The following CNTNAP4 variants were observed in gnomAD, a reference collection of about 807,000 sequenced individuals.
The protein encoded by CNTNAP4 is contactin-associated protein-like 4.
CNTNAP4 carries 98 observed loss-of-function variants against 148.4 expected under a neutral mutation model. That is an observed-to-expected ratio of 0.66 (90% CI 0.56 to 0.78). The LOEUF (loss-of-function observed/expected upper bound fraction) is 0.78. CNTNAP4 is among the 30% of genes least tolerant of loss of function. The probability of loss-of-function intolerance (pLI) is 0.00; values close to 1 mark genes in which losing one functional copy is unlikely to be tolerated. For missense variants in CNTNAP4, 1,935 were observed against 1,565.6 expected, an observed-to-expected ratio of 1.24 and a Z score of -3.98; for synonymous variants, 730 against 565.1, an observed-to-expected ratio of 1.29 and a Z score of -4.14.
intron 3 of CNTNAP4, among the ~76,000 whole-genome samples, chr16:76,398,258 CTT>C (rs80186984): frequency 0.077 from 11,662 of 151,634 alleles, 442 homozygotes; most frequent in Middle Eastern, 0.11. Context: ...ATGGTTCTGT[CTT>C]TCCCAGTCCA....
In CNTNAP4 at chr16:76,448,916, C is replaced by G. The variant is rs148104897; in HGVS notation, c.892C>G (p.Arg298Gly). ...VDEHRHHFHARGEFNLMNLDY... is the reference protein window; with the variant it reads ...VDEHRHHFHAGGEFNLMNLDY... ...CGAACACAGGCATCATTTCCATGCA[C>G]GGGGAGAATTCAATCTCATGAATCT... The change falls in exon 6 of 24, where the codon CGG (arginine) becomes GGG (glycine). Residue 298 changes from arginine (R) to glycine (G), a missense_variant. Physicochemically the swap from Arg to Gly is moderately radical, Grantham distance 125. Transcript: ENST00000611870. The G allele has an allele frequency of 6.2e-7, 1 of 1,613,602 alleles. No individual in the cohort carries two copies.
At position 76,331,604 on chromosome 16, in the gene CNTNAP4, C is replaced by T. The variant is rs531314763; in HGVS notation, c.196+15081C>T. The stretch of plus-strand genomic sequence containing the variant: ...AATATTCCTTAGCTTTAATGGTATA[C>T]AAAAACCTCTACTTTTGTATCGCTT... On this transcript the variant is annotated intron_variant, in intron 2 of 23. Coordinates refer to ENST00000611870, the MANE Select transcript of CNTNAP4 (RefSeq NM_033401.5). Among the ~76,000 whole-genome samples the T allele has an allele frequency of 7.9e-5, 12 of 151,416 alleles. No individual in the cohort carries two copies. In the East Asian group the frequency reaches 2.1e-3, roughly 27 times the overall value.
intron 2 of CNTNAP4, among the ~76,000 whole-genome samples, chr16:76,322,801 G>C (rs1962559422): frequency 6.6e-6 from 1 of 151,924 alleles, no homozygotes; most frequent in African/African-American, 2.4e-5. Flanking sequence ...AACTGTGCTG[G>C]AAAGAGTCAA....
intron 4 of CNTNAP4, among the ~76,000 whole-genome samples, chr16:76,441,439 C>T (rs973913478): frequency 4.6e-5 from 7 of 152,092 alleles, no homozygotes; most frequent in African/African-American, 7.2e-5. Flanking sequence ...GCTATACCTA[C>T]GGGCACAGGG....
At chr16:76,464,690 T>C (rs2081115443) in intron 9 of CNTNAP4, among the ~76,000 whole-genome samples, 2 of 152,206 alleles carry the variant, frequency 1.3e-5, no homozygotes, top group South Asian at 4.1e-4. Flanking sequence ...ACCTCCACTC[T>C]TTACCAGTCT....
intron 3 of CNTNAP4, among the ~76,000 whole-genome samples, chr16:76,357,746 C>G (rs373712701): frequency 6.6e-6 from 1 of 152,178 alleles, no homozygotes; most frequent in African/African-American, 2.4e-5. Context: ...CTAAAAGTGA[C>G]TCTCTCTTGC....
chr16:76,530,611 A>G (rs1358427919), intron 17 of CNTNAP4, among the ~76,000 whole-genome samples: 12 of 152,128 alleles, frequency 7.9e-5, no homozygotes, highest in Non-Finnish European at 1.6e-4. Context: ...TGCTGCTACT[A>G]CGACTGGGGC....
At chr16:76,443,999 C>T (rs1249219955) in intron 4 of CNTNAP4, among the ~76,000 whole-genome samples, 1 of 152,076 alleles carries the variant, frequency 6.6e-6, no homozygotes, top group East Asian at 1.9e-4. Flanking sequence ...AACATAACTT[C>T]CATTCAAATA....
intron 1 of CNTNAP4, among the ~76,000 whole-genome samples, chr16:76,313,578 G>A (rs1567666284): frequency 6.6e-6 from 1 of 152,088 alleles, no homozygotes; most frequent in Non-Finnish European, 1.5e-5. Flanking sequence ...GGATTGGCTG[G>A]CTTTAGTACT....
At chr16:76,523,651 C>A (rs986502590) in intron 17 of CNTNAP4, among the ~76,000 whole-genome samples, 2 of 152,120 alleles carry the variant, frequency 1.3e-5, no homozygotes, top group African/African-American at 4.8e-5. Flanking sequence ...AATTGTACTT[C>A]AAGGCCAGGC....
intron 3 of CNTNAP4, among the ~76,000 whole-genome samples, chr16:76,377,846 G>A (rs9940986): frequency 0.16 from 24,683 of 152,198 alleles, 2,611 homozygotes; most frequent in East Asian, 0.45. Context: ...GGAAAAGTTA[G>A]CACACTGCAC....
intron 2 of CNTNAP4, among the ~76,000 whole-genome samples, chr16:76,351,416 C>T (rs558226971): frequency 1.3e-5 from 2 of 152,164 alleles, no homozygotes; most frequent in East Asian, 1.9e-4. Context: ...ATCGCTCAGT[C>T]TATCTGTCTA....
chr16:76,473,164 G>A (rs1053072936), intron 10 of CNTNAP4, among the ~76,000 whole-genome samples: 9 of 152,028 alleles, frequency 5.9e-5, no homozygotes, highest in Non-Finnish European at 1.3e-4. Context: ...ATGAATTCCT[G>A]TGAATCTATA....
chr16:76,441,406 T>C (rs1233590432), intron 4 of CNTNAP4, among the ~76,000 whole-genome samples: 1 of 152,150 alleles, frequency 6.6e-6, no homozygotes, highest in East Asian at 1.9e-4. Flanking sequence ...AGATTGTATT[T>C]CTGAATTGTG....
chr16:76,443,930 G>A (rs17617419), intron 4 of CNTNAP4, among the ~76,000 whole-genome samples: 3,295 of 152,242 alleles, frequency 0.022, 54 homozygotes, highest in Non-Finnish European at 0.035. Flanking sequence ...GGTCATTGAT[G>A]TGAAATCCAA....
At chr16:76,557,890 G>A (rs763040289) in intron 23 of CNTNAP4, 3 of 152,160 alleles carry the variant, frequency 2.0e-5, no homozygotes, top group Non-Finnish European at 4.4e-5. Flanking sequence ...TAATGCCAGC[G>A]TTGGTAACCA....
intron 1 of CNTNAP4, chr16:76,309,809 G>A (rs1339560552): frequency 2.1e-5 from 15 of 699,380 alleles, no homozygotes; most frequent in Non-Finnish European, 2.6e-5. Flanking sequence ...TAAGTGTCAT[G>A]AGATCTGATG....
intron 3 of CNTNAP4, among the ~76,000 whole-genome samples, chr16:76,380,522 T>C (rs998295969): frequency 6.6e-6 from 1 of 152,338 alleles, no homozygotes; most frequent in South Asian, 2.1e-4. Context: ...TCTGCATTTT[T>C]CCCCATTTTA....
At chr16:76,492,080 CAG>C (rs2082244140) in intron 13 of CNTNAP4, among the ~76,000 whole-genome samples, 1 of 152,098 alleles carries the variant, frequency 6.6e-6, no homozygotes, top group South Asian at 2.1e-4. Flanking sequence ...CTCATAGAAA[CAG>C]AGTAAAAGAG....
Sources: allele counts gnomAD v4.1 joint callset (sites outside exome capture counted in the v4.1 genomes callset), GRCh38; gene constraint gnomAD v4.1.1; transcripts MANE v1.5; gene names NCBI Gene and HGNC (gene_info 2026-07-23, HGNC 2026-07-21).